The following CALN1 variants were observed in gnomAD, a reference collection of about 807,000 sequenced individuals.
CALN1 encodes the protein calneuron 1.
In CALN1, 17 loss-of-function variants were observed where a neutral mutation model predicts 30.6. The observed-to-expected ratio is 0.56, with a 90% CI of 0.38 to 0.83. The LOEUF (loss-of-function observed/expected upper bound fraction) is 0.83. Ranked by LOEUF, CALN1 falls within the 40% of genes least tolerant of loss-of-function variation. The probability of loss-of-function intolerance (pLI) is 0.00; values close to 1 mark genes in which losing one functional copy is unlikely to be tolerated. For synonymous variants in CALN1, 156 were observed against 131.4 expected (o/e 1.19, Z -1.28); for missense variants, 291 against 354.9 (o/e 0.82, Z 1.45).
chr7:72,406,669 T>G (rs1329375527), intron 1 of CALN1, among the ~76,000 whole-genome samples: 1 of 148,430 alleles, frequency 6.7e-6, no homozygotes, highest in Admixed American at 6.9e-5. Context: ...CAGGCTGGAG[T>G]GCAGTAGCGT....
At chr7:72,418,678 C>CT (rs1352479036) in intron 1 of CALN1, among the ~76,000 whole-genome samples, 1 of 152,038 alleles carries the variant, frequency 6.6e-6, no homozygotes, top group Non-Finnish European at 1.5e-5. Context: ...GATTCTTAGT[C>CT]TTTTGCTCAG....
chr7:72,360,211 A>C (rs1803492497), intron 2 of CALN1, among the ~76,000 whole-genome samples: 1 of 152,164 alleles, frequency 6.6e-6, no homozygotes, highest in African/African-American at 2.4e-5. Flanking sequence ...TCCTGGATAC[A>C]ATAAGTATAT....
At position 72,372,469 on chromosome 7, in the gene CALN1, G is replaced by C. The variant is rs190261390; in HGVS notation, c.119+30782C>G. Among the ~76,000 whole-genome samples the C allele has an allele frequency of 1.2e-4, 18 of 152,280 alleles. No homozygotes were observed. In the East Asian group the frequency reaches 2.9e-3, roughly 24 times the overall value. On this transcript the variant is annotated intron_variant, in intron 2 of 6. Coordinates refer to ENST00000395275, the MANE Select transcript of CALN1 (RefSeq NM_031468.4). Reference sequence around the variant, plus strand: ...AAAGGGAGTACCAAGAAAATGGAAAGTACTGATAAGATCATGGATAGGGAA... The same window carrying C: ...AAAGGGAGTACCAAGAAAATGGAAACTACTGATAAGATCATGGATAGGGAA...
intron 5 of CALN1, among the ~76,000 whole-genome samples, chr7:71,941,195 C>T (rs1796111195): frequency 1.3e-5 from 2 of 151,746 alleles, no homozygotes; most frequent in Admixed American, 6.6e-5. Context: ...AAAAAAAATA[C>T]AAAAATTAGC....
At chr7:72,166,723 T>C (rs1788549779) in intron 3 of CALN1, among the ~76,000 whole-genome samples, 1 of 152,232 alleles carries the variant, frequency 6.6e-6, no homozygotes, top group Non-Finnish European at 1.5e-5. Context: ...CAGAGTTTAC[T>C]TGTTGGCTAC....
At chr7:72,278,353 T>C (rs551159276) in intron 3 of CALN1, among the ~76,000 whole-genome samples, 2 of 152,168 alleles carry the variant, frequency 1.3e-5, no homozygotes, top group South Asian at 4.2e-4. Flanking sequence ...ACAATTCCAT[T>C]GGTGATAAAG....
At chr7:72,493,805 C>A in the CALN1 span, among the ~76,000 whole-genome samples, 1 of 152,166 alleles carries the variant, frequency 6.6e-6, no homozygotes, top group Non-Finnish European at 1.5e-5. Context: ...GAGATAAGGT[C>A]AATCAATTTA....
intron 5 of CALN1, among the ~76,000 whole-genome samples, chr7:71,880,953 A>G (rs1792526074): frequency 6.6e-6 from 1 of 152,182 alleles, no homozygotes; most frequent in South Asian, 2.1e-4. Context: ...AAGGAGATTA[A>G]CATTTGGGTC....
intron 3 of CALN1, among the ~76,000 whole-genome samples, chr7:72,193,125 T>C (rs1790743836): frequency 6.6e-6 from 1 of 151,268 alleles, no homozygotes; most frequent in Non-Finnish European, 1.5e-5. Context: ...GAAGCAGAGG[T>C]TGCAGTGAAT....
intron 3 of CALN1, among the ~76,000 whole-genome samples, chr7:72,160,699 C>T (rs1213837815): frequency 2.0e-5 from 3 of 152,174 alleles, no homozygotes; most frequent in Non-Finnish European, 2.9e-5. Flanking sequence ...GAATTCAAAG[C>T]TCTGCTATAG....
intron 2 of CALN1, among the ~76,000 whole-genome samples, chr7:72,397,712 T>TCACACACACACACACACACACACA (rs1248212217): frequency 7.1e-5 from 5 of 70,218 alleles, no homozygotes; most frequent in Non-Finnish European, 1.2e-4. Flanking sequence ...ACCCATTCTC[T>TCACACACACACACACACACACACA]CTCACACACA....
At chr7:72,130,942 G>T (rs1299732763) in intron 3 of CALN1, among the ~76,000 whole-genome samples, 1 of 152,164 alleles carries the variant, frequency 6.6e-6, no homozygotes, top group Non-Finnish European at 1.5e-5. Flanking sequence ...CAAAGAGCTT[G>T]TCTCAATCAG....
At chr7:72,270,105 GTGTA>G (rs1190750703) in intron 3 of CALN1, among the ~76,000 whole-genome samples, 2 of 151,982 alleles carry the variant, frequency 1.3e-5, no homozygotes, top group Non-Finnish European at 1.5e-5. Flanking sequence ...GTGTGTGTGT[GTGTA>G]TGTATGTGTG....
intron 3 of CALN1, among the ~76,000 whole-genome samples, chr7:72,258,200 TC>T (rs1235004948): frequency 6.6e-6 from 1 of 152,182 alleles, no homozygotes; most frequent in Non-Finnish European, 1.5e-5. Flanking sequence ...GATTTCACAA[TC>T]CCTGGAATTT....
At chr7:72,059,527 T>G (rs1178747253) in intron 4 of CALN1, among the ~76,000 whole-genome samples, 2 of 152,322 alleles carry the variant, frequency 1.3e-5, no homozygotes, top group East Asian at 3.9e-4. Context: ...GAAATTACCT[T>G]GCTCTGAAAT....
At chr7:71,878,751 CACT>C (rs1281679849) in intron 5 of CALN1, among the ~76,000 whole-genome samples, 1 of 152,180 alleles carries the variant, frequency 6.6e-6, no homozygotes, top group Non-Finnish European at 1.5e-5. Context: ...AGAGCTGGGA[CACT>C]ACATCATCAC....
At chr7:72,269,717 C>T (rs1221437883) in intron 3 of CALN1, among the ~76,000 whole-genome samples, 5 of 152,184 alleles carry the variant, frequency 3.3e-5, no homozygotes, top group African/African-American at 1.2e-4. Flanking sequence ...AAAATCAGCA[C>T]TCTTCAGAGA....
intron 5 of CALN1, among the ~76,000 whole-genome samples, chr7:71,935,607 C>T (rs1795786127): frequency 6.6e-6 from 1 of 152,162 alleles, no homozygotes; most frequent in Non-Finnish European, 1.5e-5. Context: ...CCTGTAATTC[C>T]AGCTATTCTG....
At chr7:72,219,074 A>G (rs1360548454) in intron 3 of CALN1, among the ~76,000 whole-genome samples, 1 of 152,188 alleles carries the variant, frequency 6.6e-6, no homozygotes, top group African/African-American at 2.4e-5. Flanking sequence ...AACAACATGC[A>G]TTTTTTGGGA....
Sources: allele counts gnomAD v4.1 joint callset (sites outside exome capture counted in the v4.1 genomes callset), GRCh38; gene constraint gnomAD v4.1.1; transcripts MANE v1.5; gene names NCBI Gene and HGNC (gene_info 2026-07-23, HGNC 2026-07-21).